GSG1L: variants seen among roughly 807,000 people sequenced by gnomAD.
GSG1L encodes the protein GSG1 like.
In GSG1L, 24 loss-of-function variants were observed where a neutral mutation model predicts 42.1. The ratio of observed to expected loss-of-function variants is 0.57; its 90% CI spans 0.41 to 0.80. GSG1L has a LOEUF of 0.80. Ranked by LOEUF, GSG1L falls within the 30% of genes least tolerant of loss-of-function variation. The probability of loss-of-function intolerance (pLI) is 0.00; values close to 1 mark genes in which losing one functional copy is unlikely to be tolerated. For synonymous variants in GSG1L, 215 were observed against 203.5 expected (o/e 1.06, Z -0.48); for missense variants, 445 against 472.2 (o/e 0.94, Z 0.53).
chr16:27,898,042 C>A (rs550970962), intron 2 of GSG1L, among the ~76,000 whole-genome samples: 1 of 152,328 alleles, frequency 6.6e-6, no homozygotes, highest in African/African-American at 2.4e-5. Context: ...TTGACAATGC[C>A]TCTGGCCCCT....
chr16:27,894,676 T>C (rs944535188), intron 2 of GSG1L, among the ~76,000 whole-genome samples: 54 of 152,066 alleles, frequency 3.6e-4, no homozygotes, highest in African/African-American at 1.3e-3. Flanking sequence ...GAGGCAGGGA[T>C]GTACCGGCGC....
intron 1 of GSG1L, among the ~76,000 whole-genome samples, chr16:28,042,444 A>G (rs2086117872): frequency 6.6e-6 from 1 of 152,204 alleles, no homozygotes; most frequent in Non-Finnish European, 1.5e-5. Flanking sequence ...TCAAAAAAAA[A>G]AAAAAAAAGT....
At chr16:27,975,786 C>G (rs2141119540) in intron 1 of GSG1L, among the ~76,000 whole-genome samples, 1 of 152,328 alleles carries the variant, frequency 6.6e-6, no homozygotes, top group Admixed American at 6.5e-5. Context: ...TATATTCACA[C>G]AGTTGTATCC....
At chr16:27,906,263 T>C (rs2084320502) in intron 2 of GSG1L, among the ~76,000 whole-genome samples, 1 of 152,206 alleles carries the variant, frequency 6.6e-6, no homozygotes. Context: ...GAGATAGAGC[T>C]TGTAGCCAGC....
chr16:27,830,431 C>T (rs542766863), intron 4 of GSG1L, among the ~76,000 whole-genome samples: 2 of 152,112 alleles, frequency 1.3e-5, no homozygotes, highest in African/African-American at 4.8e-5. Context: ...CCCCTGAGCA[C>T]CCCAGAAGGA....
chr16:27,798,549 A>G (rs906789129), intron 6 of GSG1L, among the ~76,000 whole-genome samples: 3 of 152,136 alleles, frequency 2.0e-5, no homozygotes, highest in Non-Finnish European at 1.5e-5. Context: ...AGCAGAGCAC[A>G]TGGGGATGAA....
chr16:28,061,893 G>A (rs1310803300), intron 1 of GSG1L, among the ~76,000 whole-genome samples: 1 of 152,244 alleles, frequency 6.6e-6, no homozygotes, highest in Non-Finnish European at 1.5e-5. Context: ...GACAGAGGAT[G>A]CAGCCTGTGC....
At chr16:27,792,957 A>G (rs929994979) in intron 6 of GSG1L, among the ~76,000 whole-genome samples, 1 of 152,264 alleles carries the variant, frequency 6.6e-6, no homozygotes, top group African/African-American at 2.4e-5. Context: ...ATAGAGCTGG[A>G]TTGAATTACT....
chr16:27,799,225 A>C (rs888760461), intron 6 of GSG1L, among the ~76,000 whole-genome samples: 13 of 149,656 alleles, frequency 8.7e-5, no homozygotes, highest in Admixed American at 4.7e-4. Context: ...GCAAGACCCC[A>C]TATCTACCAA....
chr16:27,858,068 G>A (rs532628731), intron 3 of GSG1L, among the ~76,000 whole-genome samples: 1 of 152,262 alleles, frequency 6.6e-6, no homozygotes, highest in Non-Finnish European at 1.5e-5. Flanking sequence ...CTCATTCGCT[G>A]AAATGCAAAT....
intron 4 of GSG1L, among the ~76,000 whole-genome samples, chr16:27,840,670 C>T (rs973771391): frequency 6.6e-6 from 1 of 152,218 alleles, no homozygotes; most frequent in Non-Finnish European, 1.5e-5. Context: ...TTGAAGCTGG[C>T]CCTGTCACTT....
In GSG1L at chr16:28,063,294, C is replaced by T; in HGVS notation, c.131G>A (p.Cys44Tyr). 7.2e-7 allele frequency: 1 copy of T among 1,380,128 alleles called. No homozygotes were observed. Among genetic ancestry groups the T allele is most frequent in the Non-Finnish European group, 9.5e-7 (1 of 1,057,814 alleles). 85.5% of individuals were successfully genotyped at this position (1,380,128 alleles called of 1,614,324 possible). The change falls in exon 1 of 7, where the codon TGC becomes TAC. Residue 44 changes from cysteine (C) to tyrosine (Y), a missense_variant. Cys to Tyr is a radical substitution (Grantham distance 194). This residue lies in a region of GSG1L where 156 missense variants were observed against 128.3 expected (regional missense o/e 1.22). Transcript: ENST00000447459. The surrounding 1 kb of genome is among the most constrained non-coding windows in gnomAD (Gnocchi z 5.8). ...GCAGTTGGCGCGCCCGCCCTGGCCGCAGCCCGGCTTGGGGACCCGCTGCGT... is the reference window on the plus strand; with the variant it reads ...GCAGTTGGCGCGCCCGCCCTGGCCGTAGCCCGGCTTGGGGACCCGCTGCGT... The part of the protein sequence containing the change: ...QGTQRVPKPG[C>Y]GQGGRANCPN...
At chr16:27,960,544 A>G (rs2085058079) in intron 2 of GSG1L, among the ~76,000 whole-genome samples, 1 of 152,140 alleles carries the variant, frequency 6.6e-6, no homozygotes, top group South Asian at 2.1e-4. Context: ...GAGTGTGGAC[A>G]TCCAACCCCG....
At chr16:27,996,505 G>A (rs1046528401) in intron 1 of GSG1L, among the ~76,000 whole-genome samples, 4 of 84,998 alleles carry the variant, frequency 4.7e-5, no homozygotes, top group Non-Finnish European at 1.1e-4. Context: ...AAATGAACAA[G>A]GCTACTCTCT....
At chr16:27,918,924 A>G (rs188370044) in intron 2 of GSG1L, among the ~76,000 whole-genome samples, 1 of 152,216 alleles carries the variant, frequency 6.6e-6, no homozygotes, top group Admixed American at 6.5e-5. Flanking sequence ...CCGTTCCTTT[A>G]CCCAGGGCAG....
chr16:27,878,156 C>T (rs1270980423), intron 3 of GSG1L, among the ~76,000 whole-genome samples: 2 of 152,156 alleles, frequency 1.3e-5, no homozygotes, highest in African/African-American at 4.8e-5. Context: ...ACCTCCTGGG[C>T]TCAAGGATCC....
chr16:27,845,129 C>T, intron 3 of GSG1L, 68 bp from the exon 4 acceptor site: 1 of 1,032,178 alleles, frequency 9.7e-7, no homozygotes, highest in Non-Finnish European at 1.5e-6. Flanking sequence ...ACACCCACAG[C>T]CTCTCTGCTG....
intron 1 of GSG1L, among the ~76,000 whole-genome samples, chr16:28,015,655 T>C (rs1272747584): frequency 1.3e-5 from 2 of 152,216 alleles, no homozygotes; most frequent in African/African-American, 4.8e-5. Flanking sequence ...ATGATTAGTA[T>C]GTAAGGGAAG....
At chr16:27,821,953 T>C (rs1596534729) in intron 5 of GSG1L, among the ~76,000 whole-genome samples, 3 of 151,784 alleles carry the variant, frequency 2.0e-5, no homozygotes, top group South Asian at 4.2e-4. Flanking sequence ...GAAACCACCA[T>C]GCAAGCTAAA....
Sources: gnomAD v4.1 joint callset for allele counts (sites outside exome capture counted in the v4.1 genomes callset) on GRCh38, gnomAD v4.1.1 for gene constraint, gnomAD v4.1.1 regional missense constraint, Gnocchi (gnomAD v3.1) non-coding constraint, MANE v1.5 for transcripts, NCBI Gene and HGNC (gene_info 2026-07-23, HGNC 2026-07-21) for gene names.